The following MYO1H variants were observed in gnomAD, a reference collection of about 807,000 sequenced individuals.
MYO1H encodes the protein unconventional myosin-Ih.
In MYO1H, 118 loss-of-function variants were observed where a neutral mutation model predicts 149.3. The observed-to-expected ratio is 0.79, with a 90% CI of 0.68 to 0.92. MYO1H has a LOEUF of 0.92. MYO1H is among the 40% of genes least tolerant of loss of function. MYO1H has a pLI of 0.00. For synonymous variants in MYO1H, 447 were observed against 465.2 expected (o/e 0.96, Z 0.50); for missense variants, 1,212 against 1,280.7 (o/e 0.95, Z 0.82).
Position 109,446,621 on chromosome 12 carries a change from A to C in MYO1H, c.3094-538A>C, listed in dbSNP as rs990358200. On this transcript the variant is annotated intron_variant, in intron 31 of 31. Coordinates refer to ENST00000310903, the Ensembl canonical transcript of MYO1H. The stretch of plus-strand genomic sequence containing the variant: ...CTACTAAAAATACAAAAATTAGTTG[A>C]GCATGGTGGCACATGCCTATAGTTC... 1.9e-5 allele frequency: 4 copies of C among 209,272 alleles called. No homozygotes were observed. In the Admixed American group the frequency reaches 2.6e-4, roughly 14 times the overall value. 13.0% of individuals were successfully genotyped at this position (209,272 alleles called of 1,614,324 possible). A position where few individuals can be genotyped will look rare whatever the true frequency, so the allele number is the denominator to read the frequency against.
At chr12:109,381,861 C>G (rs1290768707) in intron 1 of MYO1H, among the ~76,000 whole-genome samples, 1 of 152,138 alleles carries the variant, frequency 6.6e-6, no homozygotes, top group Non-Finnish European at 1.5e-5. Flanking sequence ...TGAAACATAA[C>G]CAATACATAT....
intron 1 of MYO1H, among the ~76,000 whole-genome samples, chr12:109,367,694 G>T (rs1461067804): frequency 6.6e-6 from 1 of 151,930 alleles, no homozygotes; most frequent in Admixed American, 6.5e-5. Context: ...TAGGACTACA[G>T]GCGCCCGCCA....
chr12:109,332,553 T>C, the MYO1H span, among the ~76,000 whole-genome samples: 2 of 152,338 alleles, frequency 1.3e-5, no homozygotes, highest in South Asian at 4.1e-4. Context: ...GCAACTGCAT[T>C]GTGCCCTGGT....
chr12:109,329,561 T>G, the MYO1H span, among the ~76,000 whole-genome samples: 3 of 152,192 alleles, frequency 2.0e-5, no homozygotes, highest in African/African-American at 7.2e-5. Flanking sequence ...AGCCTTTTGT[T>G]ACTTCTTATG....
the MYO1H span, among the ~76,000 whole-genome samples, chr12:109,313,474 C>T: frequency 1.4e-4 from 21 of 152,232 alleles, no homozygotes; most frequent in East Asian, 3.9e-4. Flanking sequence ...CATTGATCTC[C>T]GCTGCTGTTA....
the MYO1H span, among the ~76,000 whole-genome samples, chr12:109,341,954 C>T: frequency 3.3e-5 from 5 of 151,960 alleles, no homozygotes; most frequent in East Asian, 5.8e-4. Context: ...TTATATATGG[C>T]CTGGTCATTG....
intron 1 of MYO1H, among the ~76,000 whole-genome samples, chr12:109,378,312 CTTTT>C (rs1869128178): frequency 1.4e-5 from 2 of 141,490 alleles, no homozygotes; most frequent in Non-Finnish European, 3.1e-5. Context: ...CTTTTTTTTT[CTTTT>C]TTATTTATTT....
intron 20 of MYO1H, 90 bp from the exon 21 acceptor site, chr12:109,434,947 G>A (rs1871794394): frequency 4.2e-6 from 3 of 710,018 alleles, no homozygotes; most frequent in South Asian, 1.9e-5. Flanking sequence ...GAGGTTCTGA[G>A]TGGAAATGAA....
chr12:109,401,271 A>G (rs1227841924), exon 6 of MYO1H: 1 of 1,608,288 alleles, frequency 6.2e-7, no homozygotes, highest in Non-Finnish European at 8.5e-7. Flanking sequence ...TACCTCTCAC[A>G]GGTGGGAAGG....
At chr12:109,403,333 C>A (rs1321912724) in intron 6 of MYO1H, among the ~76,000 whole-genome samples, 1 of 152,210 alleles carries the variant, frequency 6.6e-6, no homozygotes, top group Non-Finnish European at 1.5e-5. Flanking sequence ...ATGAAGAAAT[C>A]TTTTAAGAAA....
chr12:109,400,927 A>G (rs1870132921), intron 5 of MYO1H, among the ~76,000 whole-genome samples, 166 bp from the exon 6 acceptor site: 1 of 152,220 alleles, frequency 6.6e-6, no homozygotes. Flanking sequence ...TTTTGTAAAC[A>G]GAACCCAGGA....
At chr12:109,379,168 G>A (rs1869149546) in intron 1 of MYO1H, among the ~76,000 whole-genome samples, 1 of 152,200 alleles carries the variant, frequency 6.6e-6, no homozygotes, top group South Asian at 2.1e-4. Context: ...GTGGCTAGTG[G>A]CTGCTGTACT....
chr12:109,359,660 T>C (rs935142782), intron 1 of MYO1H, among the ~76,000 whole-genome samples: 6 of 152,152 alleles, frequency 3.9e-5, no homozygotes, highest in African/African-American at 7.2e-5. Context: ...TGAAAGGAAA[T>C]GGAGGGCTAT....
chr12:109,435,395 G>A (rs1453598119), intron 21 of MYO1H, among the ~76,000 whole-genome samples: 3 of 152,216 alleles, frequency 2.0e-5, no homozygotes, highest in Non-Finnish European at 1.5e-5. Flanking sequence ...AAAACCGTGA[G>A]AGACCAGCCC....
intron 2 of MYO1H, among the ~76,000 whole-genome samples, chr12:109,389,887 A>G (rs1330069744): frequency 6.6e-6 from 1 of 152,228 alleles, no homozygotes; most frequent in Non-Finnish European, 1.5e-5. Flanking sequence ...TACCAGAAGA[A>G]GTAAACAAGG....
intron 1 of MYO1H, among the ~76,000 whole-genome samples, chr12:109,366,780 G>A (rs1868874646): frequency 6.6e-6 from 1 of 152,206 alleles, no homozygotes; most frequent in African/African-American, 2.4e-5. Context: ...TGATGGATGT[G>A]GGTTGAATCT....
At chr12:109,312,410 T>C in the MYO1H span, among the ~76,000 whole-genome samples, 1 of 149,738 alleles carries the variant, frequency 6.7e-6, no homozygotes, top group Non-Finnish European at 1.5e-5. Flanking sequence ...TGTTTTGTTT[T>C]GTTTTAAGTA....
chr12:109,318,987 T>TTTTTTTG, the MYO1H span, among the ~76,000 whole-genome samples: 1 of 145,090 alleles, frequency 6.9e-6, no homozygotes, highest in Non-Finnish European at 1.5e-5. Context: ...TTTTTTTTTT[T>TTTTTTTG]TTTTTTTGCA....
At chr12:109,382,842 A>G (rs1437719844) in intron 1 of MYO1H, among the ~76,000 whole-genome samples, 3 of 149,372 alleles carry the variant, frequency 2.0e-5, no homozygotes, top group African/African-American at 4.9e-5. Flanking sequence ...CTTTATATAT[A>G]TATATTTACA....
Sources: gnomAD v4.1 joint callset for allele counts (sites outside exome capture counted in the v4.1 genomes callset) on GRCh38, gnomAD v4.1.1 for gene constraint, MANE v1.5 for transcripts, NCBI Gene and HGNC (gene_info 2026-07-23, HGNC 2026-07-21) for gene names.